PTK2: variants seen among roughly 807,000 people sequenced by gnomAD.
The protein encoded by PTK2 is focal adhesion kinase 1.
In PTK2, 45 loss-of-function variants were observed where a neutral mutation model predicts 150.1. That is an observed-to-expected ratio of 0.30 (90% CI 0.24 to 0.38). PTK2 has a LOEUF of 0.38. Among genes scored for constraint, PTK2 ranks in the 10% least tolerant of loss-of-function variants. The pLI is 1.00. For missense variants in PTK2, 919 were observed against 1,307.3 expected (o/e 0.70, Z 4.58); for synonymous variants, 432 against 449.2 (o/e 0.96, Z 0.48).
chr8:140,886,405 A>G (rs901864995), intron 3 of PTK2, among the ~76,000 whole-genome samples: 1 of 152,188 alleles, frequency 6.6e-6, no homozygotes, highest in African/African-American at 2.4e-5. Context: ...ACAGCTGGGT[A>G]GCACTAAGGT....
intron 14 of PTK2, among the ~76,000 whole-genome samples, chr8:140,766,260 A>C (rs1288236606): frequency 2.0e-5 from 3 of 152,302 alleles, no homozygotes; most frequent in Admixed American, 6.5e-5. Flanking sequence ...CAGAAGCCCA[A>C]GTCTATCAGG....
At chr8:140,929,383 G>GA (rs2100170904) in intron 1 of PTK2, among the ~76,000 whole-genome samples, 1 of 152,154 alleles carries the variant, frequency 6.6e-6, no homozygotes, top group Non-Finnish European at 1.5e-5. Context: ...GAAAAGCTTT[G>GA]AGAGTTTAAG....
At chr8:140,658,722 G>T (rs1178713028) in exon 32 of PTK2, 1 of 218,598 alleles carries the variant, frequency 4.6e-6, no homozygotes, top group African/African-American at 2.2e-5. Context: ...CAGTTTGGAG[G>T]TGCTCTGGTA....
At chr8:140,688,624 G>A (rs539751879) in intron 26 of PTK2, among the ~76,000 whole-genome samples, 12 of 152,272 alleles carry the variant, frequency 7.9e-5, no homozygotes, top group Non-Finnish European at 1.8e-4. Flanking sequence ...AGAGGCTGAG[G>A]TGGGGCGATG....
At chr8:140,897,995 G>A (rs1427978925) in intron 2 of PTK2, among the ~76,000 whole-genome samples, 1 of 151,966 alleles carries the variant, frequency 6.6e-6, no homozygotes, top group Non-Finnish European at 1.5e-5. Context: ...AAATTATCAA[G>A]GCAGAAATGA....
At chr8:140,756,047 G>A (rs567399659) in intron 16 of PTK2, among the ~76,000 whole-genome samples, 4 of 152,112 alleles carry the variant, frequency 2.6e-5, no homozygotes, top group Admixed American at 6.5e-5. Context: ...TCAACAGGCC[G>A]GGCATGGTGG....
intron 10 of PTK2, among the ~76,000 whole-genome samples, chr8:140,806,009 G>C (rs2100097978): frequency 6.6e-6 from 1 of 152,146 alleles, no homozygotes; most frequent in Non-Finnish European, 1.5e-5. Flanking sequence ...TTTCGTTGGG[G>C]TAGAACCATT....
intron 3 of PTK2, among the ~76,000 whole-genome samples, chr8:140,890,149 T>C (rs2100153741): frequency 6.6e-6 from 1 of 152,142 alleles, no homozygotes. Flanking sequence ...TTAAAGGAAA[T>C]TATCCTATCT....
intron 2 of PTK2, among the ~76,000 whole-genome samples, chr8:140,902,855 TAGTC>T (rs1386305524): frequency 6.6e-6 from 1 of 151,432 alleles, no homozygotes; most frequent in African/African-American, 2.4e-5. Context: ...TATTAGCCCT[TAGTC>T]AGATAGACAG....
At chr8:140,830,477 C>G in exon 8 of PTK2, 4 of 1,535,176 alleles carry the variant, frequency 2.6e-6, no homozygotes, top group Non-Finnish European at 3.5e-6. Flanking sequence ...ATTACCTTGA[C>G]AGAATCCAGT....
At chr8:140,848,594 G>C (rs2100127135) in intron 5 of PTK2, among the ~76,000 whole-genome samples, 1 of 152,044 alleles carries the variant, frequency 6.6e-6, no homozygotes, top group Admixed American at 6.6e-5. Context: ...TGACCAACCG[G>C]AACTGAATTA....
chr8:140,858,255 G>C (rs1037458228), intron 5 of PTK2, among the ~76,000 whole-genome samples: 12 of 151,862 alleles, frequency 7.9e-5, no homozygotes, highest in African/African-American at 2.7e-4. Context: ...AACACATATG[G>C]AGAGACTGAG....
At chr8:140,819,814 T>A (rs1262496465) in intron 8 of PTK2, among the ~76,000 whole-genome samples, 1 of 152,186 alleles carries the variant, frequency 6.6e-6, no homozygotes, top group African/African-American at 2.4e-5. Flanking sequence ...TAGGTGGTCT[T>A]CCAGTCCTTT....
intron 1 of PTK2, among the ~76,000 whole-genome samples, chr8:140,968,306 A>G (rs2100186007): frequency 6.6e-6 from 1 of 152,222 alleles, no homozygotes; most frequent in Admixed American, 6.5e-5. Context: ...AATGATGAAG[A>G]TTAGCCCTTA....
chr8:140,793,479 G>T, intron 12 of PTK2, 95 bp from the exon 13 acceptor site: 4 of 1,328,956 alleles, frequency 3.0e-6, no homozygotes, highest in Non-Finnish European at 4.2e-6. Context: ...GGCCTATACT[G>T]GTATTCCAGC....
At chr8:140,952,219 G>C (rs934096836) in intron 1 of PTK2, among the ~76,000 whole-genome samples, 29 of 152,348 alleles carry the variant, frequency 1.9e-4, no homozygotes, top group African/African-American at 6.7e-4. Flanking sequence ...GGGTTAAGCA[G>C]AGATGAAATA....
At chr8:140,946,093 G>A (rs2100177606) in intron 1 of PTK2, among the ~76,000 whole-genome samples, 1 of 152,158 alleles carries the variant, frequency 6.6e-6, no homozygotes. Flanking sequence ...AGCTCCAGGA[G>A]GGGTGTGTCT....
In PTK2 at chr8:140,780,487, T is replaced by C. The variant is rs1178179723; in HGVS notation, c.1177+8987A>G. Among the ~76,000 whole-genome samples, 5 of 152,130 alleles carry C rather than the reference T, an allele frequency of 3.3e-5. No homozygotes were observed. In the East Asian group the frequency reaches 9.7e-4, roughly 29 times the overall value. On this transcript the variant is annotated intron_variant, in intron 14 of 31. Transcript: ENST00000522684. ...GGGAAATAAACGGGCCAGAAAAGAA[T>C]AGGTTAAACAAGACAGCATCACAGA...
intron 5 of PTK2, among the ~76,000 whole-genome samples, chr8:140,861,005 G>C (rs968756912): frequency 2.0e-5 from 3 of 152,192 alleles, no homozygotes; most frequent in African/African-American, 7.2e-5. Flanking sequence ...TTAGAATAGA[G>C]ATAATTTAAG....
Sources: allele counts gnomAD v4.1 joint callset (sites outside exome capture counted in the v4.1 genomes callset), GRCh38; gene constraint gnomAD v4.1.1; transcripts MANE v1.5; gene names NCBI Gene and HGNC (gene_info 2026-07-23, HGNC 2026-07-21).